ARL15: variants seen among roughly 807,000 people sequenced by gnomAD.
The protein encoded by ARL15 is ARF like GTPase 15.
A neutral mutation model predicts 25.2 loss-of-function variants in ARL15; 19 were observed. The ratio of observed to expected loss-of-function variants is 0.75; its 90% CI spans 0.53 to 1.10. The LOEUF is 1.10. Ranked by LOEUF, ARL15 falls within the 50% of genes least tolerant of loss-of-function variation. The pLI is 0.00. For synonymous variants in ARL15, 94 were observed against 86.8 expected (o/e 1.08, Z -0.46); for missense variants, 220 against 246.0 (o/e 0.89, Z 0.71).
chr5:54,187,695 C>T (rs1488545230), intron 1 of ARL15, among the ~76,000 whole-genome samples: 1 of 152,144 alleles, frequency 6.6e-6, no homozygotes, highest in East Asian at 1.9e-4. Context: ...TTCCCTTCTC[C>T]CTTTCTATTT....
At chr5:54,276,287 T>C (rs10940369) in intron 1 of ARL15, among the ~76,000 whole-genome samples, 85,366 of 151,936 alleles carry the variant, frequency 0.56, 25,619 homozygotes, top group Non-Finnish European at 0.68. Context: ...AATGCTTATG[T>C]TGGAATCTCC....
chr5:53,991,759 C>T (rs1459076799), intron 4 of ARL15, among the ~76,000 whole-genome samples: 1 of 151,886 alleles, frequency 6.6e-6, no homozygotes, highest in African/African-American at 2.4e-5. Flanking sequence ...TCATGAATCT[C>T]CCACGTAGTG....
chr5:54,200,312 A>G (rs1051356805), intron 1 of ARL15, among the ~76,000 whole-genome samples: 6 of 150,944 alleles, frequency 4.0e-5, no homozygotes, highest in Admixed American at 1.3e-4. Context: ...AAAAAAAGAG[A>G]AAAAAAAGAA....
chr5:54,031,730 T>A (rs1749990586), intron 4 of ARL15, among the ~76,000 whole-genome samples: 3 of 152,132 alleles, frequency 2.0e-5, no homozygotes, highest in Admixed American at 2.0e-4. Flanking sequence ...CTTTGTTGTC[T>A]AAAAAATAAT....
At chr5:54,054,513 G>A (rs1750798321) in intron 4 of ARL15, among the ~76,000 whole-genome samples, 1 of 152,174 alleles carries the variant, frequency 6.6e-6, no homozygotes, top group South Asian at 2.1e-4. Context: ...TACTAGAGCT[G>A]GGCGCTGTGG....
chr5:53,927,709 A>T (rs1746074100), intron 4 of ARL15, among the ~76,000 whole-genome samples: 1 of 152,174 alleles, frequency 6.6e-6, no homozygotes. Context: ...TGGGACATCA[A>T]AAATAACATA....
At chr5:54,172,733 A>G (rs1326821755) in intron 1 of ARL15, among the ~76,000 whole-genome samples, 2 of 152,258 alleles carry the variant, frequency 1.3e-5, no homozygotes, top group Non-Finnish European at 2.9e-5. Flanking sequence ...GATGCTGAGT[A>G]AAGAGAATAG....
chr5:54,141,065 A>T (rs1388035295), intron 3 of ARL15, among the ~76,000 whole-genome samples: 2 of 152,160 alleles, frequency 1.3e-5, no homozygotes, highest in East Asian at 1.9e-4. Context: ...TTATATCACT[A>T]TGGTTTTGAG....
In ARL15 at chr5:53,942,942, G is replaced by A. The variant is rs140264968; in HGVS notation, c.463-56229C>T. 3.2e-3 allele frequency among the ~76,000 whole-genome samples: 490 copies of A among 152,276 alleles called. 2 individuals are homozygous for A. The highest frequency in any genetic ancestry group is 0.024 in the Middle Eastern group (7 of 294). ...GAGGGATGGATCCGCTGTGGATTGC[G>A]TAGTAGTTGAGTCATGAGAGAACTG... On this transcript the variant is annotated intron_variant, in intron 4 of 4. Coordinates refer to ENST00000504924, the MANE Select transcript of ARL15 (RefSeq NM_019087.3).
At chr5:54,093,281 T>C (rs1752187199) in intron 4 of ARL15, among the ~76,000 whole-genome samples, 1 of 152,208 alleles carries the variant, frequency 6.6e-6, no homozygotes, top group Admixed American at 6.5e-5. Flanking sequence ...ATGAAAGGTG[T>C]CCTGGCATTG....
intron 1 of ARL15, among the ~76,000 whole-genome samples, chr5:54,242,085 A>T (rs1174990424): frequency 6.6e-6 from 1 of 152,132 alleles, no homozygotes; most frequent in African/African-American, 2.4e-5. Context: ...TCGATTAGCA[A>T]GATGGCCCAG....
chr5:54,144,203 AT>A (rs962986593), intron 3 of ARL15, among the ~76,000 whole-genome samples: 24 of 133,340 alleles, frequency 1.8e-4, no homozygotes, highest in African/African-American at 5.1e-4. Flanking sequence ...ACATCTAAAT[AT>A]TTTTTTTTCA....
intron 1 of ARL15, among the ~76,000 whole-genome samples, chr5:54,186,147 CAAA>C: frequency 6.6e-6 from 1 of 152,156 alleles, no homozygotes; most frequent in East Asian, 1.9e-4. Context: ...TAGACCTAGA[CAAA>C]AGCATAACAG....
At chr5:53,992,127 G>T (rs143801550) in intron 4 of ARL15, among the ~76,000 whole-genome samples, 1 of 151,956 alleles carries the variant, frequency 6.6e-6, no homozygotes, top group South Asian at 2.1e-4. Flanking sequence ...ATATGACATC[G>T]TCAAAAGGAA....
At chr5:54,129,795 G>A (rs995688771) in intron 3 of ARL15, among the ~76,000 whole-genome samples, 15 of 152,080 alleles carry the variant, frequency 9.9e-5, no homozygotes, top group African/African-American at 2.9e-4. Context: ...AAAGCAAACC[G>A]TTAATATTAC....
chr5:54,132,489 T>A (rs528782038), intron 3 of ARL15, among the ~76,000 whole-genome samples: 3 of 152,042 alleles, frequency 2.0e-5, no homozygotes, highest in Non-Finnish European at 4.4e-5. Flanking sequence ...AAATAATCAA[T>A]AGACACAAAT....
At chr5:54,211,174 GC>G (rs1756031615) in intron 1 of ARL15, among the ~76,000 whole-genome samples, 1 of 152,146 alleles carries the variant, frequency 6.6e-6, no homozygotes, top group Non-Finnish European at 1.5e-5. Flanking sequence ...TGTTTGGTAT[GC>G]ACAAAGTATT....
At position 54,033,550 on chromosome 5, in the gene ARL15, T is replaced by C. The variant is rs531225745; in HGVS notation, c.462+79652A>G. On this transcript the variant is annotated intron_variant, in intron 4 of 4. Coordinates refer to ENST00000504924, the MANE Select transcript of ARL15 (RefSeq NM_019087.3). ...AACTGGGTGTGGTGGCGCACACCTA[T>C]AATCCTAGCTACTCAGGAGGCTGAG... Among the ~76,000 whole-genome samples, 70 of 150,872 alleles carry C rather than the reference T, an allele frequency of 4.6e-4. 1 individual carries two copies. The South Asian group carries it at 0.014, about 31-fold the overall frequency.
chr5:54,184,359 C>T (rs1443785441), intron 1 of ARL15, among the ~76,000 whole-genome samples: 2 of 143,902 alleles, frequency 1.4e-5, no homozygotes, highest in East Asian at 4.2e-4. Flanking sequence ...AGGAGGATTG[C>T]TTGAGCCCAG....
Sources: allele counts gnomAD v4.1 joint callset (sites outside exome capture counted in the v4.1 genomes callset), GRCh38; gene constraint gnomAD v4.1.1; transcripts MANE v1.5; gene names NCBI Gene and HGNC (gene_info 2026-07-23, HGNC 2026-07-21).